Variants in CCDC179 observed in about 807,000 individuals in gnomAD.
CCDC179 encodes the protein coiled-coil domain-containing protein 179.
In CCDC179, 17 loss-of-function variants were observed where a neutral mutation model predicts 12.0. The observed-to-expected ratio is 1.42, with a 90% CI of 0.97 to 2.13. The LOEUF (loss-of-function observed/expected upper bound fraction) is 2.13, where lower values mean the gene tolerates loss of function less well. Ranked by LOEUF, CCDC179 falls within the 30% of genes most tolerant of loss-of-function variation. The pLI, the probability that CCDC179 is intolerant of heterozygous loss-of-function variation, is 0.00. For synonymous variants in CCDC179, 27 were observed against 26.4 expected, an observed-to-expected ratio of 1.02 and a Z score of -0.07; for missense variants, 83 against 78.6, an observed-to-expected ratio of 1.06 and a Z score of -0.21.
At chr11:22,856,022 T>A (rs1489897455) in intron 3 of CCDC179, among the ~76,000 whole-genome samples, 1 of 151,404 alleles carries the variant, frequency 6.6e-6, no homozygotes, top group East Asian at 1.9e-4. Context: ...TTTAAAAAAT[T>A]AATTAATAAT....
chr11:22,853,816 A>G (rs1304717170), intron 3 of CCDC179, among the ~76,000 whole-genome samples: 1 of 152,018 alleles, frequency 6.6e-6, no homozygotes, highest in Admixed American at 6.5e-5. Context: ...GATAGACAAC[A>G]AACCACAGAT....
At chr11:22,848,845 A>G (rs1858300086) in intron 3 of CCDC179, among the ~76,000 whole-genome samples, 3 of 152,216 alleles carry the variant, frequency 2.0e-5, no homozygotes, top group African/African-American at 7.2e-5. Context: ...AGACAAGATT[A>G]ATAGAGAAAT....
chr11:22,848,390 G>T (rs1227964615), intron 3 of CCDC179, among the ~76,000 whole-genome samples: 1 of 152,034 alleles, frequency 6.6e-6, no homozygotes. Context: ...GTTGCAGTGA[G>T]CAGAGATTGT....
At chr11:22,848,072 C>A (rs1448107554) in intron 3 of CCDC179, among the ~76,000 whole-genome samples, 1 of 152,096 alleles carries the variant, frequency 6.6e-6, no homozygotes, top group Non-Finnish European at 1.5e-5. Flanking sequence ...AGAAATTTAA[C>A]CTTAAAATAA....
At chr11:22,859,866 A>G (rs1306279401) in intron 1 of CCDC179, among the ~76,000 whole-genome samples, 2 of 152,200 alleles carry the variant, frequency 1.3e-5, no homozygotes, top group Non-Finnish European at 2.9e-5. Context: ...CTAGTCTTCA[A>G]TCTGGTTTCA....
chr11:22,847,250 A>G lies in CCDC179; in HGVS notation c.*260T>C, dbSNP rs1327027025. 3 of 314,594 alleles carry G rather than the reference A, an allele frequency of 9.5e-6. No homozygotes were observed. The highest frequency in any genetic ancestry group is 1.7e-5 in the Non-Finnish European group (3 of 175,018). The allele number at this position is 314,594 out of a possible 1,614,324, so 19.5% of individuals were successfully genotyped here. A position where few individuals can be genotyped will look rare whatever the true frequency, so the allele number is the denominator to read the frequency against. ...ATATTTTTCAAAAGTCTACCTATACATATTCATTATTATTTGTTGAAAAGC... is the reference window on the plus strand; with the variant it reads ...ATATTTTTCAAAAGTCTACCTATACGTATTCATTATTATTTGTTGAAAAGC... On this transcript the variant is annotated 3_prime_UTR_variant, in exon 4 of 4. Coordinates refer to ENST00000532798, the MANE Select transcript of CCDC179 (RefSeq NM_001195637.2).
intron 3 of CCDC179, 127 bp from the exon 4 acceptor site, chr11:22,847,648 TA>T (rs1285638824): frequency 1.1e-5 from 5 of 437,664 alleles, no homozygotes; most frequent in Non-Finnish European, 1.9e-5. Flanking sequence ...AGAAGTATTA[TA>T]AAAAATAATC....
At chr11:22,847,748 A>G (rs1043625901) in intron 3 of CCDC179, among the ~76,000 whole-genome samples, 2 of 152,200 alleles carry the variant, frequency 1.3e-5, no homozygotes, top group African/African-American at 2.4e-5. Context: ...CAAATAAATC[A>G]TATCTGAAGA....
intron 3 of CCDC179, among the ~76,000 whole-genome samples, chr11:22,854,853 G>C (rs867324399): frequency 1.5e-4 from 22 of 151,700 alleles, no homozygotes; most frequent in African/African-American, 5.1e-4. Context: ...AGGGCAGATG[G>C]TGTCAAAGGG....
Position 22,860,400 on chromosome 11 carries a change from T to C in CCDC179, c.22A>G (p.Ile8Val). Residue 8 changes from isoleucine to valine, a missense_variant, in exon 1 of 4, where the codon ATC becomes GTC. Transcript: ENST00000532798. Reference protein sequence around the residue: MCLYCWDIEPSQVNPEGP... With the variant: MCLYCWDVEPSQVNPEGP... The stretch of plus-strand genomic sequence containing the variant: ...ACAGGGTTGACTTGGGAAGGCTCGA[T>C]GTCCCAGCAATACAGGCACATGCCG... 1 of 1,535,686 alleles carries C rather than the reference T, an allele frequency of 6.5e-7. No homozygotes were observed. The highest frequency in any genetic ancestry group is 8.7e-7 in the Non-Finnish European group (1 of 1,146,696).
chr11:22,850,976 A>ACATATATTTTTTTTTTTTTTTTTT (rs1858382219), intron 3 of CCDC179, among the ~76,000 whole-genome samples: 1 of 6,126 alleles, frequency 1.6e-4, no homozygotes, highest in Non-Finnish European at 4.4e-4. Context: ...ATATATATAT[A>ACATATATTTTTTTTTTTTTTTTTT]TTTTTTTTTT....
At chr11:22,856,839 G>A (rs1858540136) in intron 3 of CCDC179, among the ~76,000 whole-genome samples, 1 of 151,550 alleles carries the variant, frequency 6.6e-6, no homozygotes, top group South Asian at 2.1e-4. Context: ...ATTAGAGGAT[G>A]TAAGTTTAAT....
chr11:22,849,368 T>A (rs1193690792), intron 3 of CCDC179, among the ~76,000 whole-genome samples: 1 of 152,228 alleles, frequency 6.6e-6, no homozygotes, highest in Non-Finnish European at 1.5e-5. Flanking sequence ...TTATTTTGCA[T>A]ATTCTTACTT....
At chr11:22,852,032 G>A (rs1858416531) in intron 3 of CCDC179, among the ~76,000 whole-genome samples, 1 of 152,136 alleles carries the variant, frequency 6.6e-6, no homozygotes, top group South Asian at 2.1e-4. Context: ...TTTTAGCAGA[G>A]CCTAAATAAA....
chr11:22,850,958 A>ATTT (rs1590188931), intron 3 of CCDC179, among the ~76,000 whole-genome samples: 1 of 6,534 alleles, frequency 1.5e-4, no homozygotes, highest in Non-Finnish European at 6.3e-4. Context: ...ATATATATAT[A>ATTT]TATATATATA....
intron 3 of CCDC179, among the ~76,000 whole-genome samples, chr11:22,856,175 G>A (rs1040216567): frequency 4.0e-5 from 6 of 151,392 alleles, no homozygotes; most frequent in East Asian, 1.9e-4. Context: ...TCTGTAAGGT[G>A]AGCATTACCC....
chr11:22,858,460 GC>G (rs1858582828), intron 2 of CCDC179, among the ~76,000 whole-genome samples: 1 of 151,984 alleles, frequency 6.6e-6, no homozygotes, highest in Non-Finnish European at 1.5e-5. Flanking sequence ...TCTACAAGTA[GC>G]AGATACCTAG....
At chr11:22,850,914 G>T (rs1199912896) in intron 3 of CCDC179, among the ~76,000 whole-genome samples, 9 of 124,790 alleles carry the variant, frequency 7.2e-5, no homozygotes, top group Admixed American at 7.0e-4. Context: ...AGATAACTTG[G>T]AAGGGGAAAA....
At chr11:22,850,259 A>G (rs941824758) in intron 3 of CCDC179, among the ~76,000 whole-genome samples, 3 of 152,226 alleles carry the variant, frequency 2.0e-5, no homozygotes, top group East Asian at 3.8e-4. Flanking sequence ...GCTGCTTTTC[A>G]TTAAAGGGAA....
Sources: gnomAD v4.1 joint callset for allele counts (sites outside exome capture counted in the v4.1 genomes callset) on GRCh38, gnomAD v4.1.1 for gene constraint, MANE v1.5 for transcripts, NCBI Gene and HGNC (gene_info 2026-07-23, HGNC 2026-07-21) for gene names.